Variants in NLRP1 observed in about 807,000 individuals in gnomAD.
The protein encoded by NLRP1 is NACHT, LRR and PYD domains-containing protein 1.
In NLRP1, 94 loss-of-function variants were observed where a neutral mutation model predicts 136.7. That is an observed-to-expected ratio of 0.69 (90% CI 0.58 to 0.82). The LOEUF is 0.82. NLRP1 is among the 40% of genes least tolerant of loss of function. NLRP1 has a pLI of 0.00. For synonymous variants in NLRP1, 690 were observed against 725.1 expected (o/e 0.95, Z 0.78); for missense variants, 1,575 against 1,802.7 (o/e 0.87, Z 2.29).
chr17:5,543,596 T>A (rs760967124), intron 5 of NLRP1, among the ~76,000 whole-genome samples: 1 of 151,508 alleles, frequency 6.6e-6, no homozygotes, highest in Non-Finnish European at 1.5e-5. Flanking sequence ...AGGGAGGTTG[T>A]AGTGAGCTGA....
chr17:5,544,417 T>C (rs1912289439), intron 5 of NLRP1, among the ~76,000 whole-genome samples: 5 of 152,088 alleles, frequency 3.3e-5, no homozygotes, highest in Admixed American at 3.3e-4. Flanking sequence ...TAGGCTGGGG[T>C]GGTGGCCCAT....
At chr17:5,534,025 G>C in intron 8 of NLRP1, 37 bp from the exon 9 acceptor site, 1 of 1,406,376 alleles carries the variant, frequency 7.1e-7, no homozygotes, top group Non-Finnish European at 1.0e-6. Flanking sequence ...TAAGATCTTG[G>C]AGGAAGCGAG....
chr17:5,511,957 A>G (rs1302461059), downstream of NLRP1: 3 of 452,386 alleles, frequency 6.6e-6, no homozygotes, highest in African/African-American at 4.0e-5. Context: ...CCTGGCTACA[A>G]GGGAGCCCAG....
In NLRP1 at chr17:5,514,746, T is replaced by G; in HGVS notation, c.*8A>C. On this transcript the variant is annotated 3_prime_UTR_variant, in exon 17 of 17. Coordinates refer to ENST00000572272, the MANE Select transcript of NLRP1 (RefSeq NM_033004.4). Reference sequence around the variant, plus strand: ...AGGACTCAAGGGTCAAGGGCTGGTGTTGATACTTCAGCTGCTGAGTGGCAG... The same window carrying G: ...AGGACTCAAGGGTCAAGGGCTGGTGGTGATACTTCAGCTGCTGAGTGGCAG... 6.2e-7 allele frequency: 1 copy of G among 1,613,758 alleles called. No homozygotes were observed. The highest frequency in any genetic ancestry group is 8.5e-7 in the Non-Finnish European group (1 of 1,179,656).
At chr17:5,538,279 G>A (rs1308445196) in intron 7 of NLRP1, among the ~76,000 whole-genome samples, 7 of 152,114 alleles carry the variant, frequency 4.6e-5, no homozygotes, top group East Asian at 1.9e-4. Context: ...GTGGCTCCTC[G>A]GGGAAGGGCA....
chr17:5,563,733 C>A (rs1915012598), intron 3 of NLRP1, among the ~76,000 whole-genome samples: 1 of 152,194 alleles, frequency 6.6e-6, no homozygotes, highest in South Asian at 2.1e-4. Flanking sequence ...TCCCCAACCT[C>A]CCTAGAGAAG....
intron 15 of NLRP1, chr17:5,503,775 C>T (rs1036101526): frequency 6.6e-6 from 1 of 152,128 alleles, no homozygotes; most frequent in African/African-American, 2.4e-5. Context: ...ACACTCTGCT[C>T]GACACCAGAG....
At position 5,546,492 on chromosome 17, in the gene NLRP1, T is replaced by C. The variant is rs79742448; in HGVS notation, c.2529-4465A>G. ...TCCCCTGACCTTGCTCTTTCCGGCATTCCTTTTTTGAGCTCTCCAACCCCA... is the reference window on the plus strand; with the variant it reads ...TCCCCTGACCTTGCTCTTTCCGGCACTCCTTTTTTGAGCTCTCCAACCCCA... On this transcript the variant is annotated intron_variant, in intron 5 of 16. Transcript: ENST00000572272. 0.011 allele frequency among the ~76,000 whole-genome samples: 1,633 copies of C among 152,334 alleles called. 126 individuals are homozygous for C. The South Asian group carries it at 0.16, about 15-fold the overall frequency.
intron 15 of NLRP1, among the ~76,000 whole-genome samples, chr17:5,508,254 C>T (rs1416680073): frequency 1.3e-5 from 2 of 151,980 alleles, no homozygotes; most frequent in Middle Eastern, 3.4e-3. Context: ...GCTGAGATTG[C>T]GCCACTGCAC....
At chr17:5,518,732 A>G (rs1597394609) in intron 14 of NLRP1, among the ~76,000 whole-genome samples, 2 of 150,850 alleles carry the variant, frequency 1.3e-5, no homozygotes, top group Non-Finnish European at 3.0e-5. Context: ...GTCTCCCTAC[A>G]TGGCCCAGGT....
At chr17:5,551,733 T>C (rs528335157) in intron 5 of NLRP1, among the ~76,000 whole-genome samples, 3 of 152,170 alleles carry the variant, frequency 2.0e-5, no homozygotes, top group Non-Finnish European at 4.4e-5. Context: ...GATAAGTATG[T>C]AGTGGTATCT....
intron 15 of NLRP1, chr17:5,505,850 C>T (rs371371353): frequency 4.6e-5 from 7 of 152,516 alleles, no homozygotes; most frequent in African/African-American, 1.4e-4. Context: ...GAGCTCACCA[C>T]TCTGGACATT....
At chr17:5,519,816 G>A (rs938456520) in intron 14 of NLRP1, among the ~76,000 whole-genome samples, 1 of 146,880 alleles carries the variant, frequency 6.8e-6, no homozygotes, top group African/African-American at 2.5e-5. Flanking sequence ...TCACCCAGCA[G>A]CCAGAGGCAT....
intron 3 of NLRP1, among the ~76,000 whole-genome samples, chr17:5,570,139 C>T (rs1915722460): frequency 2.0e-5 from 3 of 151,986 alleles, no homozygotes; most frequent in African/African-American, 7.2e-5. Flanking sequence ...GCAGTAAATG[C>T]CCATATCAAA....
intron 12 of NLRP1, among the ~76,000 whole-genome samples, chr17:5,525,267 G>A (rs1394092093): frequency 6.6e-6 from 1 of 152,244 alleles, no homozygotes; most frequent in East Asian, 1.9e-4. Flanking sequence ...CTGTGAACAG[G>A]AAAGACATGG....
At chr17:5,556,157 C>T (rs911611993) in intron 4 of NLRP1, among the ~76,000 whole-genome samples, 3 of 135,118 alleles carry the variant, frequency 2.2e-5, no homozygotes, top group Admixed American at 7.2e-5. Flanking sequence ...CACACACACA[C>T]ACACATGAAG....
chr17:5,529,503 G>A (rs189254242), intron 12 of NLRP1, among the ~76,000 whole-genome samples: 3,290 of 152,010 alleles, frequency 0.022, 127 homozygotes, highest in African/African-American at 0.075. Context: ...GAGTAGCTGG[G>A]ACTACAGGCG....
intron 15 of NLRP1, among the ~76,000 whole-genome samples, chr17:5,516,740 T>G (rs1908168141): frequency 6.6e-6 from 1 of 152,326 alleles, no homozygotes; most frequent in African/African-American, 2.4e-5. Context: ...AGAGTGGGAT[T>G]TGAATCCAGG....
chr17:5,579,035 C>A (rs1191418990), intron 3 of NLRP1, among the ~76,000 whole-genome samples: 1 of 152,130 alleles, frequency 6.6e-6, no homozygotes, highest in Admixed American at 6.5e-5. Context: ...ACCGCATGTT[C>A]TCACTCATAG....
Sources: gnomAD v4.1 joint callset for allele counts (sites outside exome capture counted in the v4.1 genomes callset) on GRCh38, gnomAD v4.1.1 for gene constraint, MANE v1.5 for transcripts, NCBI Gene and HGNC (gene_info 2026-07-23, HGNC 2026-07-21) for gene names.